The following COG4 variants were observed in gnomAD, a reference collection of about 807,000 sequenced individuals.
COG4 encodes the protein component of oligomeric golgi complex 4.
In COG4, 65 loss-of-function variants were observed where a neutral mutation model predicts 95.1. That is an observed-to-expected ratio of 0.68 (90% CI 0.56 to 0.84). The LOEUF is 0.84. Among genes scored for constraint, COG4 ranks in the 40% least tolerant of loss-of-function variants. COG4 has a pLI of 0.00. For synonymous variants in COG4, 421 were observed against 374.8 expected (o/e 1.12, Z -1.42); for missense variants, 1,045 against 989.1 (o/e 1.06, Z -0.76).
intron 8 of COG4, among the ~76,000 whole-genome samples, chr16:70,507,242 CA>C (rs2049597376): frequency 6.6e-6 from 1 of 150,974 alleles, no homozygotes; most frequent in Non-Finnish European, 1.5e-5. Flanking sequence ...GACCCTATCT[CA>C]AAAAAGCAAA....
chr16:70,486,615 C>A (rs1160528539), intron 13 of COG4, among the ~76,000 whole-genome samples: 1 of 152,178 alleles, frequency 6.6e-6, no homozygotes, highest in Non-Finnish European at 1.5e-5. Context: ...TTATGAATTT[C>A]TAATATTTCC....
chr16:70,514,340 T>C lies in COG4; in HGVS notation c.539A>G (p.Lys180Arg), dbSNP rs138693104. The C allele has an allele frequency of 6.6e-4, 1,072 of 1,614,060 alleles. 1 individual carries two copies. The highest frequency in any genetic ancestry group is 8.4e-4 in the Non-Finnish European group (994 of 1,180,028). ...CAACAGTTTCGGATGCTGACCCTCT[T>C]TGCCCTGTCGGCTGAGCTCAATGAC... Reference protein sequence around the residue: ...KSVIELSRQGKEGSMIDANLK... With the variant: ...KSVIELSRQGREGSMIDANLK... The change falls in exon 4 of 19, where the codon AAA becomes AGA. Residue 180 changes from lysine (K) to arginine (R), a missense_variant. Coordinates refer to ENST00000323786, the MANE Select transcript of COG4 (RefSeq NM_015386.3).
rs368343123 is a variant in COG4 at position 70,514,310 on chromosome 16, A to T, written c.544+25T>A. 62 of 1,613,100 alleles carry T rather than the reference A, an allele frequency of 3.8e-5. No individual in the cohort carries two copies. In the Middle Eastern group the frequency reaches 2.0e-3, roughly 52 times the overall value. ...ATTACAGATGATTTTAACTAAACTAAAAACCAACAGTTTCGGATGCTGACC... is the reference window on the plus strand; with the variant it reads ...ATTACAGATGATTTTAACTAAACTATAAACCAACAGTTTCGGATGCTGACC... On this transcript the variant is annotated intron_variant, in intron 4 of 18. Coordinates refer to ENST00000323786, the MANE Select transcript of COG4 (RefSeq NM_015386.3).
Position 70,481,878 on chromosome 16 carries a change from G to T in COG4, c.2005-13C>A. The stretch of plus-strand genomic sequence containing the variant: ...GGGACAGGCTGGCCTGCACACAGAG[G>T]GTTGACATCAGCCGAGCCCCACCTA... On this transcript the variant is annotated splice_polypyrimidine_tract_variant and intron_variant, in intron 16 of 18. Transcript: ENST00000323786. The T allele has an allele frequency of 6.2e-7, 1 of 1,609,724 alleles. No homozygotes were observed.
At chr16:70,491,251 ACGC>A (rs1282163765) in intron 12 of COG4, among the ~76,000 whole-genome samples, 1 of 151,782 alleles carries the variant, frequency 6.6e-6, no homozygotes, top group Non-Finnish European at 1.5e-5. Flanking sequence ...ACGGTGGCTC[ACGC>A]CTGTAATCCC....
chr16:70,505,976 T>C (rs1316305793), intron 8 of COG4, among the ~76,000 whole-genome samples: 1 of 151,586 alleles, frequency 6.6e-6, no homozygotes, highest in East Asian at 2.0e-4. Context: ...CAAGCCCTCA[T>C]CTCTACCAAA....
intron 8 of COG4, 44 bp from the exon 9 acceptor site, chr16:70,501,135 C>T: frequency 6.2e-7 from 1 of 1,604,884 alleles, no homozygotes. Context: ...AATGGATTAC[C>T]TTAGACACAA....
chr16:70,504,555 CA>C (rs1354217107), intron 8 of COG4, among the ~76,000 whole-genome samples: 1 of 147,310 alleles, frequency 6.8e-6, no homozygotes, highest in Non-Finnish European at 1.5e-5. Flanking sequence ...TGCAGTGAGC[CA>C]AAATTGAGCC....
chr16:70,487,757 C>T (rs1270821146), intron 13 of COG4, among the ~76,000 whole-genome samples: 1 of 152,194 alleles, frequency 6.6e-6, no homozygotes, highest in Admixed American at 6.5e-5. Flanking sequence ...CAATAGTTCA[C>T]AAAGTGATCC....
chr16:70,521,468 C>T (rs59460917), intron 1 of COG4, among the ~76,000 whole-genome samples: 18,252 of 151,994 alleles, frequency 0.12, 3,632 homozygotes, highest in African/African-American at 0.41. Flanking sequence ...GTGATCCACC[C>T]GCCTCGGCCT....
At chr16:70,506,625 A>AAT (rs2049581559) in intron 8 of COG4, among the ~76,000 whole-genome samples, 1 of 132,300 alleles carries the variant, frequency 7.6e-6, no homozygotes, top group Non-Finnish European at 1.6e-5. Context: ...AAACAAAAAA[A>AAT]AAAACATTTA....
chr16:70,513,453 G>A (rs1410715237), intron 4 of COG4, among the ~76,000 whole-genome samples: 1 of 152,176 alleles, frequency 6.6e-6, no homozygotes, highest in Non-Finnish European at 1.5e-5. Context: ...TTCCAAGACC[G>A]TTATGGATGC....
intron 2 of COG4, 37 bp from the exon 3 acceptor site, chr16:70,517,777 G>T: frequency 7.0e-7 from 1 of 1,422,850 alleles, no homozygotes. Context: ...CATAACGATA[G>T]GGCAGAGAAG....
intron 14 of COG4, among the ~76,000 whole-genome samples, chr16:70,483,529 C>G (rs904614632): frequency 6.6e-6 from 1 of 151,998 alleles, no homozygotes; most frequent in Non-Finnish European, 1.5e-5. Flanking sequence ...TCAGAATGCT[C>G]AATGTTAGGC....
chr16:70,497,425 T>C, intron 10 of COG4, 38 bp from the exon 11 acceptor site: 2 of 1,601,456 alleles, frequency 1.2e-6, no homozygotes, highest in South Asian at 1.1e-5. Flanking sequence ...GGGTCCCAGT[T>C]GTGCATGTCA....
intron 9 of COG4, among the ~76,000 whole-genome samples, chr16:70,499,169 C>T (rs2049398541): frequency 6.6e-6 from 1 of 152,040 alleles, no homozygotes; most frequent in Non-Finnish European, 1.5e-5. Context: ...AACTTAGGAA[C>T]TGAATATTTT....
chr16:70,519,574 G>T, intron 2 of COG4, 75 bp downstream of exon 2: 1 of 1,086,984 alleles, frequency 9.2e-7, no homozygotes, highest in Admixed American at 1.8e-5. Context: ...ATAACAGAAA[G>T]TTTAAAAAAT....
chr16:70,509,088 AG>A, intron 7 of COG4, 142 bp downstream of exon 7: 1 of 1,022,648 alleles, frequency 9.8e-7, no homozygotes, highest in South Asian at 1.3e-5. Context: ...TCAATGGGCA[AG>A]ATGCAGGCCA....
intron 11 of COG4, 28 bp from the exon 12 acceptor site, chr16:70,496,459 T>C: frequency 6.2e-7 from 1 of 1,613,042 alleles, no homozygotes; most frequent in South Asian, 1.1e-5. Flanking sequence ...ATAGAGGAAT[T>C]GACAGTGCTC....
Sources: allele counts gnomAD v4.1 joint callset (sites outside exome capture counted in the v4.1 genomes callset), GRCh38; gene constraint gnomAD v4.1.1; transcripts MANE v1.5; gene names NCBI Gene and HGNC (gene_info 2026-07-23, HGNC 2026-07-21).